Variants in FLI1 observed in about 807,000 individuals in gnomAD.
FLI1 encodes the protein Fli-1 proto-oncogene, ETS transcription factor, also known as Friend leukemia integration 1 transcription factor.
Under a neutral mutation model 53.1 loss-of-function variants are expected in FLI1, and 13 were observed. The ratio of observed to expected loss-of-function variants is 0.24; its 90% CI spans 0.16 to 0.39. The LOEUF (loss-of-function observed/expected upper bound fraction) is 0.39. Ranked by LOEUF, FLI1 falls within the 10% of genes least tolerant of loss-of-function variation. FLI1 has a pLI of 1.00. For synonymous variants in FLI1, 244 were observed against 236.7 expected (o/e 1.03, Z -0.28); for missense variants, 424 against 600.5 (o/e 0.71, Z 3.07).
intron 1 of FLI1, among the ~76,000 whole-genome samples, chr11:128,737,620 C>T (rs181616365): frequency 3.3e-5 from 5 of 152,198 alleles, no homozygotes; most frequent in Non-Finnish European, 4.4e-5. Flanking sequence ...AAATAGAGAT[C>T]GAGGAAAAGC....
At chr11:128,703,320 C>A (rs1938416799) in intron 1 of FLI1, among the ~76,000 whole-genome samples, 1 of 152,130 alleles carries the variant, frequency 6.6e-6, no homozygotes, top group South Asian at 2.1e-4. Context: ...GCCAATTCTA[C>A]AGCTATGTTC....
At chr11:128,688,081 G>A (rs1279258467) in intron 1 of FLI1, among the ~76,000 whole-genome samples, 3 of 152,176 alleles carry the variant, frequency 2.0e-5, no homozygotes, top group Non-Finnish European at 2.9e-5. Flanking sequence ...GGCAAGAGGA[G>A]CTCTCACTTC....
At chr11:128,714,218 A>AC (rs980245949) in intron 1 of FLI1, among the ~76,000 whole-genome samples, 9 of 152,036 alleles carry the variant, frequency 5.9e-5, no homozygotes, top group Admixed American at 2.6e-4. Flanking sequence ...AAAAAAAAAA[A>AC]AAAAAAAACG....
chr11:128,750,454 T>C (rs1446891148), intron 1 of FLI1, among the ~76,000 whole-genome samples: 1 of 152,244 alleles, frequency 6.6e-6, no homozygotes, highest in Admixed American at 6.5e-5. Context: ...TGTCCACTTC[T>C]GGCATTTTTC....
chr11:128,715,173 A>G (rs544267759), intron 1 of FLI1, among the ~76,000 whole-genome samples: 31 of 152,332 alleles, frequency 2.0e-4, no homozygotes, highest in African/African-American at 7.0e-4. Flanking sequence ...TACTCACTGC[A>G]TATGTGAAAT....
intron 2 of FLI1, among the ~76,000 whole-genome samples, chr11:128,764,036 G>T (rs544705538): frequency 5.3e-5 from 8 of 152,194 alleles, no homozygotes; most frequent in African/African-American, 1.9e-4. Flanking sequence ...TAGGCAGCCC[G>T]CGAGGCCTCA....
chr11:128,689,192 A>C (rs1451614593), upstream of FLI1, among the ~76,000 whole-genome samples: 1 of 152,174 alleles, frequency 6.6e-6, no homozygotes, highest in African/African-American at 2.4e-5. Context: ...CTAGTCCTCA[A>C]ACTGGAACTT....
intron 5 of FLI1, among the ~76,000 whole-genome samples, chr11:128,787,664 T>C (rs1253679352): frequency 6.6e-6 from 1 of 152,206 alleles, no homozygotes; most frequent in Non-Finnish European, 1.5e-5. Context: ...TCAGGGATAA[T>C]GTAAAACTCA....
rs12281885 is a variant in FLI1 at position 128,749,426 on chromosome 11, C to T, written c.19-8689C>T. On this transcript the variant is annotated intron_variant, in intron 1 of 8. Transcript: ENST00000527786. Reference sequence around the variant, plus strand: ...GCCTCGGTTCCTCTCCTGCGGGCCTCTCCATACGGTTGCTCAGCTTGGGCT... The same window carrying T: ...GCCTCGGTTCCTCTCCTGCGGGCCTTTCCATACGGTTGCTCAGCTTGGGCT... Among the ~76,000 whole-genome samples the T allele has an allele frequency of 5.3e-3, 812 of 152,316 alleles. 7 individuals are homozygous for T. Among genetic ancestry groups the T allele is most frequent in the African/African-American group, 0.019 (777 of 41,562 alleles).
At chr11:128,785,001 C>T (rs1942041564) in intron 5 of FLI1, among the ~76,000 whole-genome samples, 1 of 152,214 alleles carries the variant, frequency 6.6e-6, no homozygotes, top group South Asian at 2.1e-4. Flanking sequence ...ATTAGAATGG[C>T]TTTTTGCTTT....
rs1002190100 is a variant in FLI1, at chr11:128,802,937, C to G, written c.656-2429C>G. ...AAAGCCGATAAGAAGTCAACGATAA[C>G]TATAGCCATGGCCATAATTTGGGCT... On this transcript the variant is annotated intron_variant, in intron 5 of 8. Coordinates refer to ENST00000527786, the MANE Select transcript of FLI1 (RefSeq NM_002017.5). Among the ~76,000 whole-genome samples the G allele has an allele frequency of 4.6e-5, 7 of 152,372 alleles. 1 individual carries two copies. In the South Asian group the frequency reaches 1.4e-3, roughly 32 times the overall value.
At chr11:128,704,428 C>G (rs751668548) in intron 1 of FLI1, among the ~76,000 whole-genome samples, 1 of 152,106 alleles carries the variant, frequency 6.6e-6, no homozygotes, top group African/African-American at 2.4e-5. Flanking sequence ...TAGGGCCTGA[C>G]GCCACTCTGG....
At chr11:128,755,177 G>A (rs1443083605) in intron 1 of FLI1, among the ~76,000 whole-genome samples, 2 of 152,164 alleles carry the variant, frequency 1.3e-5, no homozygotes, top group Admixed American at 1.3e-4. Context: ...ATAATGATGG[G>A]AGGAACTTTT....
At chr11:128,786,225 T>C (rs1942076194) in intron 5 of FLI1, among the ~76,000 whole-genome samples, 1 of 152,142 alleles carries the variant, frequency 6.6e-6, no homozygotes, top group African/African-American at 2.4e-5. Flanking sequence ...AGGCCCATGT[T>C]AGAGCTACTC....
At chr11:128,718,595 G>GAGACAAC (rs1188324525) in intron 1 of FLI1, among the ~76,000 whole-genome samples, 7 of 152,216 alleles carry the variant, frequency 4.6e-5, no homozygotes, top group African/African-American at 1.4e-4. Flanking sequence ...CCTGCACCTG[G>GAGACAAC]AGACAACAGC....
chr11:128,693,776 A>C (rs1937869038), upstream of FLI1: 7 of 233,624 alleles, frequency 3.0e-5, no homozygotes, highest in East Asian at 4.2e-4. Flanking sequence ...TCCCAGGAGC[A>C]AGTATCCTGT....
At chr11:128,686,994 C>A (rs1295570895) in intron 1 of FLI1, 2 of 160,026 alleles carry the variant, frequency 1.2e-5, no homozygotes, top group Non-Finnish European at 2.8e-5. Context: ...CGTCAGGTCC[C>A]AACGGGTGGG....
At chr11:128,726,893 A>C (rs1261542578) in intron 1 of FLI1, among the ~76,000 whole-genome samples, 1 of 152,100 alleles carries the variant, frequency 6.6e-6, no homozygotes, top group Non-Finnish European at 1.5e-5. Context: ...TTCAAGGAGG[A>C]AGTTAAGTTC....
intron 2 of FLI1, among the ~76,000 whole-genome samples, chr11:128,763,652 C>A (rs1305582365): frequency 2.0e-5 from 3 of 152,184 alleles, no homozygotes; most frequent in Non-Finnish European, 4.4e-5. Flanking sequence ...AGGATCAGCT[C>A]CTGTTCCCTG....
Sources: allele counts gnomAD v4.1 joint callset (sites outside exome capture counted in the v4.1 genomes callset), GRCh38; gene constraint gnomAD v4.1.1; transcripts MANE v1.5; gene names NCBI Gene and HGNC (gene_info 2026-07-23, HGNC 2026-07-21).